Variants in SLC25A26 observed in about 807,000 individuals in gnomAD.
SLC25A26 encodes solute carrier family 25 member 26, also known as mitochondrial S-adenosylmethionine carrier protein.
Under a neutral mutation model 37.8 loss-of-function variants are expected in SLC25A26, and 36 were observed. The observed-to-expected ratio is 0.95, with a 90% CI of 0.73 to 1.26. The LOEUF is 1.26. Among genes scored for constraint, SLC25A26 ranks in the 50% most tolerant of loss-of-function variants. SLC25A26 has a pLI of 0.00. For missense variants in SLC25A26, 390 were observed against 331.1 expected (o/e 1.18, Z -1.38); for synonymous variants, 129 against 122.5 (o/e 1.05, Z -0.35).
chr3:66,357,544 G>A (rs902590214), intron 6 of SLC25A26, among the ~76,000 whole-genome samples: 1 of 151,926 alleles, frequency 6.6e-6, no homozygotes, highest in African/African-American at 2.4e-5. Context: ...AGCCTCCTCC[G>A]TGAGTTGAGA....
intron 7 of SLC25A26, among the ~76,000 whole-genome samples, chr3:66,364,541 CT>C (rs1350337254): frequency 1.3e-5 from 2 of 152,182 alleles, no homozygotes; most frequent in Non-Finnish European, 2.9e-5. Context: ...AGGAATGAGA[CT>C]TTGGGACCCT....
At chr3:66,203,044 A>G (rs922758904) in intron 1 of SLC25A26, among the ~76,000 whole-genome samples, 5 of 152,174 alleles carry the variant, frequency 3.3e-5, no homozygotes, top group Non-Finnish European at 7.3e-5. Flanking sequence ...AAGATTTAAT[A>G]TATTAACTTA....
chr3:66,208,807 T>G (rs1196485810), intron 1 of SLC25A26, among the ~76,000 whole-genome samples: 1 of 60,542 alleles, frequency 1.7e-5, no homozygotes, highest in South Asian at 1.2e-3. Flanking sequence ...CACCTTTACA[T>G]GGGTATATAT....
At chr3:66,247,069 T>TTA (rs2072880336) in intron 3 of SLC25A26, among the ~76,000 whole-genome samples, 1 of 151,908 alleles carries the variant, frequency 6.6e-6, no homozygotes, top group Non-Finnish European at 1.5e-5. Flanking sequence ...TTTCACCATG[T>TTA]TAGCCAGGAT....
chr3:66,299,198 A>C (rs1270382235), intron 5 of SLC25A26, among the ~76,000 whole-genome samples: 2 of 152,110 alleles, frequency 1.3e-5, no homozygotes, highest in Admixed American at 6.5e-5. Flanking sequence ...ACATACAACA[A>C]ACTTTTTTTT....
At chr3:66,220,821 C>G (rs137909944), upstream of SLC25A26, 26,932 of 530,348 alleles carry the variant, frequency 0.051, 926 homozygotes, top group African/African-American at 0.1. Flanking sequence ...GAAAGTTCCT[C>G]CGTCTAGCTG....
chr3:66,148,521 T>G (rs1024640316), intron 1 of SLC25A26, among the ~76,000 whole-genome samples: 6 of 152,196 alleles, frequency 3.9e-5, no homozygotes, highest in African/African-American at 1.2e-4. Flanking sequence ...AGTGAAAGCC[T>G]TAGGCCCTCC....
chr3:66,187,792 T>TCAC (rs2070859191), intron 1 of SLC25A26, among the ~76,000 whole-genome samples: 1 of 151,898 alleles, frequency 6.6e-6, no homozygotes, highest in Non-Finnish European at 1.5e-5. Context: ...ATCATGGCCC[T>TCAC]TATGCTGACC....
chr3:66,243,483 A>G (rs1439764906), intron 3 of SLC25A26, among the ~76,000 whole-genome samples, 171 bp downstream of exon 3: 1 of 152,244 alleles, frequency 6.6e-6, no homozygotes, highest in Non-Finnish European at 1.5e-5. Context: ...CCTGACAACT[A>G]AAAGACAGAG....
intron 5 of SLC25A26, among the ~76,000 whole-genome samples, chr3:66,302,404 A>G (rs1476661791): frequency 6.6e-6 from 1 of 152,240 alleles, no homozygotes; most frequent in Non-Finnish European, 1.5e-5. Context: ...ATTGTCTAGA[A>G]CAGAGTAGCG....
intron 1 of SLC25A26, among the ~76,000 whole-genome samples, chr3:66,146,900 C>T (rs2070122668): frequency 6.6e-6 from 1 of 152,062 alleles, no homozygotes. Flanking sequence ...AGCTTAGCTC[C>T]CACTTATAAG....
At chr3:66,370,669 G>A in intron 9 of SLC25A26, 67 bp downstream of exon 9, 1 of 1,251,730 alleles carries the variant, frequency 8.0e-7, no homozygotes. Context: ...GCCTAACTTT[G>A]GATGAACACC....
intron 5 of SLC25A26, among the ~76,000 whole-genome samples, chr3:66,290,459 A>C (rs763309245): frequency 1.3e-5 from 2 of 152,158 alleles, no homozygotes; most frequent in African/African-American, 2.4e-5. Flanking sequence ...TTTTGTCATA[A>C]ACAGCTCATA....
chr3:66,219,908 A>C (rs998068549), upstream of SLC25A26, among the ~76,000 whole-genome samples: 31 of 152,218 alleles, frequency 2.0e-4, no homozygotes, highest in African/African-American at 7.5e-4. Flanking sequence ...TTAATCTTGG[A>C]AAACTTATCC....
chr3:66,160,738 C>A (rs1033987983), intron 1 of SLC25A26, among the ~76,000 whole-genome samples: 2 of 152,046 alleles, frequency 1.3e-5, no homozygotes, highest in Non-Finnish European at 2.9e-5. Flanking sequence ...GGTTCGAGAC[C>A]AGCCTGGCCA....
chr3:66,215,964 C>T (rs955646579), intron 1 of SLC25A26, among the ~76,000 whole-genome samples: 16 of 152,186 alleles, frequency 1.1e-4, no homozygotes, highest in Non-Finnish European at 1.9e-4. Flanking sequence ...GGGGAGGGCC[C>T]AGTTCCTGCT....
intron 8 of SLC25A26, among the ~76,000 whole-genome samples, chr3:66,370,162 A>G (rs1424348926): frequency 6.6e-6 from 1 of 152,206 alleles, no homozygotes; most frequent in Non-Finnish European, 1.5e-5. Flanking sequence ...CACTCTATTA[A>G]ATATGCTTAT....
At chr3:66,193,107 CAT>C (rs2070977223) in intron 1 of SLC25A26, among the ~76,000 whole-genome samples, 1 of 152,044 alleles carries the variant, frequency 6.6e-6, no homozygotes, top group African/African-American at 2.4e-5. Flanking sequence ...GTAGTTCACT[CAT>C]ATAATAAATT....
At chr3:66,198,784 T>A (rs2071077155) in intron 1 of SLC25A26, among the ~76,000 whole-genome samples, 1 of 151,804 alleles carries the variant, frequency 6.6e-6, no homozygotes, top group South Asian at 2.1e-4. Context: ...TCACACTAAC[T>A]CTTACCCTCA....
Sources: gnomAD v4.1 joint callset for allele counts (sites outside exome capture counted in the v4.1 genomes callset) on GRCh38, gnomAD v4.1.1 for gene constraint, MANE v1.5 for transcripts, NCBI Gene and HGNC (gene_info 2026-07-23, HGNC 2026-07-21) for gene names.